LRRC8C: variants seen among roughly 807,000 people sequenced by gnomAD.
LRRC8C encodes the protein volume-regulated anion channel subunit LRRC8C.
A neutral mutation model predicts 55.3 loss-of-function variants in LRRC8C; 20 were observed. The ratio of observed to expected loss-of-function variants is 0.36; its 90% CI spans 0.25 to 0.53. LRRC8C has a LOEUF of 0.53. LRRC8C is among the 20% of genes least tolerant of loss of function. The pLI is 0.92. For synonymous variants in LRRC8C, 376 were observed against 360.7 expected, an observed-to-expected ratio of 1.04 and a Z score of -0.48; for missense variants, 659 against 951.4, an observed-to-expected ratio of 0.69 and a Z score of 4.04.
intron 1 of LRRC8C, among the ~76,000 whole-genome samples, chr1:89,659,064 TGTGTGTGTGTGTGTGTGTGTGTG>T (rs1657040962): frequency 7.7e-5 from 2 of 25,830 alleles, no homozygotes; most frequent in South Asian, 1.1e-3. Flanking sequence ...TTTTTTTTTG[TGTGTGTGTGTGTGTGTGTGTGTG>T]TGTGTGTGTG....
the LRRC8C span, chr1:89,624,888 G>A: frequency 1.3e-5 from 2 of 152,170 alleles, no homozygotes; most frequent in African/African-American, 4.8e-5. Context: ...ACTTATCAGA[G>A]CCCTAAGCAT....
chr1:89,657,591 A>G (rs2101206591), intron 1 of LRRC8C, among the ~76,000 whole-genome samples: 1 of 152,148 alleles, frequency 6.6e-6, no homozygotes, highest in Admixed American at 6.5e-5. Flanking sequence ...AAATACAAAA[A>G]TTATCTGGGC....
intron 2 of LRRC8C, among the ~76,000 whole-genome samples, chr1:89,711,082 C>T (rs1374368424): frequency 3.3e-5 from 5 of 152,214 alleles, no homozygotes; most frequent in Non-Finnish European, 7.3e-5. Context: ...CTGCTGTCAT[C>T]ACTATAATCA....
At chr1:89,617,335 CA>C in the LRRC8C span, among the ~76,000 whole-genome samples, 2 of 152,212 alleles carry the variant, frequency 1.3e-5, no homozygotes, top group African/African-American at 2.4e-5. Flanking sequence ...CCACGGTTCA[CA>C]ATTCAGTCCA....
intron 1 of LRRC8C, among the ~76,000 whole-genome samples, chr1:89,675,370 C>A (rs528281197): frequency 6.6e-6 from 1 of 152,134 alleles, no homozygotes; most frequent in Admixed American, 6.6e-5. Context: ...TCTTGCCTTC[C>A]GCACCCTCCT....
chr1:89,617,605 TTC>T, the LRRC8C span, among the ~76,000 whole-genome samples: 1 of 152,220 alleles, frequency 6.6e-6, no homozygotes, highest in Admixed American at 6.5e-5. Context: ...ACTGTCTGTG[TTC>T]TGTTTCCACC....
At chr1:89,674,196 A>C (rs1050619622) in intron 1 of LRRC8C, among the ~76,000 whole-genome samples, 1 of 152,174 alleles carries the variant, frequency 6.6e-6, no homozygotes, top group Non-Finnish European at 1.5e-5. Flanking sequence ...ATTTTAATTA[A>C]ATGATTCATA....
chr1:89,687,029 A>G (rs1028223062), intron 2 of LRRC8C, among the ~76,000 whole-genome samples: 1 of 152,224 alleles, frequency 6.6e-6, no homozygotes, highest in African/African-American at 2.4e-5. Context: ...TTGATGAGAT[A>G]TCATTATTTT....
intron 1 of LRRC8C, among the ~76,000 whole-genome samples, chr1:89,667,785 C>T (rs1657312931): frequency 6.6e-6 from 1 of 152,086 alleles, no homozygotes; most frequent in South Asian, 2.1e-4. Flanking sequence ...AAAACTCAAG[C>T]TGTCAACCCA....
At chr1:89,679,447 A>G (rs1382691114) in intron 1 of LRRC8C, among the ~76,000 whole-genome samples, 1 of 152,080 alleles carries the variant, frequency 6.6e-6, no homozygotes, top group African/African-American at 2.4e-5. Flanking sequence ...CCAGCTACCC[A>G]GGAGGCTGAG....
intron 2 of LRRC8C, among the ~76,000 whole-genome samples, 168 bp from the exon 3 acceptor site, chr1:89,712,541 T>G (rs947973885): frequency 2.6e-5 from 4 of 152,246 alleles, no homozygotes; most frequent in Non-Finnish European, 5.9e-5. Context: ...ATTTCATTTT[T>G]CCAATATATG....
intron 1 of LRRC8C, among the ~76,000 whole-genome samples, chr1:89,674,118 CT>C (rs1408661171): frequency 6.6e-6 from 1 of 152,104 alleles, no homozygotes; most frequent in East Asian, 1.9e-4. Context: ...TTCACTATTT[CT>C]TTTTGAGGGA....
intron 1 of LRRC8C, chr1:89,661,283 G>T: frequency 3.2e-6 from 1 of 309,636 alleles, no homozygotes; most frequent in South Asian, 3.5e-5. Flanking sequence ...ATTGATCATT[G>T]GGAGCCAGTT....
In LRRC8C at chr1:89,718,778, C is replaced by T. The variant is rs528328526; in HGVS notation, c.*3796C>T. On this transcript the variant is annotated 3_prime_UTR_variant, in exon 3 of 3. Coordinates refer to ENST00000370454, the MANE Select transcript of LRRC8C (RefSeq NM_032270.5). ...TCTGAATGTGATAATGTGATTCAAA[C>T]AGTCAAATTTTATTAAGCTCTTAGT... 2 of 152,264 alleles carry T rather than the reference C, an allele frequency of 1.3e-5. No homozygotes were observed. Among genetic ancestry groups the T allele is most frequent in the South Asian group, 4.1e-4 (2 of 4,830 alleles). The allele number at this position is 152,264 out of a possible 1,614,324, so 9.4% of individuals were successfully genotyped here. A position where few individuals can be genotyped will look rare whatever the true frequency, so the allele number is the denominator to read the frequency against.
At chr1:89,688,299 C>T (rs760948773) in intron 2 of LRRC8C, among the ~76,000 whole-genome samples, 1 of 152,152 alleles carries the variant, frequency 6.6e-6, no homozygotes, top group Non-Finnish European at 1.5e-5. Flanking sequence ...GCGTATCAGG[C>T]ACTGTTCTAC....
At chr1:89,625,691 CA>C in the LRRC8C span, among the ~76,000 whole-genome samples, 1 of 152,200 alleles carries the variant, frequency 6.6e-6, no homozygotes, top group Non-Finnish European at 1.5e-5. Context: ...ATGTGAGTAA[CA>C]AGAGCATCTT....
Position 89,714,445 on chromosome 1 carries a change from A to T in LRRC8C, c.1875A>T (p.Lys625Asn). ...QELDLKENNLKSIEEIVSFQH... is the reference protein window; with the variant it reads ...QELDLKENNLNSIEEIVSFQH... ...TGGACCTGAAGGAAAACAATCTGAA[A>T]TCTATAGAAGAAATCGTTAGCTTTC... The change falls in exon 3 of 3, where the codon AAA becomes AAT. Residue 625 changes from lysine (K) to asparagine (N), a missense_variant. By Grantham distance (94) the Lys-to-Asn change is moderately conservative (BLOSUM62 0). Transcript: ENST00000370454. This position sits in a 1 kb window ranked among gnomAD's most constrained non-coding sequence, Gnocchi z 4.6. 6.2e-7 allele frequency: 1 copy of T among 1,614,190 alleles called. No individual in the cohort carries two copies. The highest frequency in any genetic ancestry group is 8.5e-7 in the Non-Finnish European group (1 of 1,180,030).
chr1:89,714,365 T>C lies in LRRC8C; in HGVS notation c.1795T>C (p.Cys599Arg). 1.2e-6 allele frequency: 2 copies of C among 1,614,180 alleles called. No homozygotes were observed. The highest frequency in any genetic ancestry group is 1.1e-5 in the South Asian group (1 of 91,076). ...TCTGACAGAGCTGGAGCTGGTCCAC[T>C]GTGACCTGGAGCGTATTCCTCATGC... is the stretch of plus-strand genomic sequence containing the variant. Reference protein sequence around the residue: ...TNLTELELVHCDLERIPHAVF... With the variant: ...TNLTELELVHRDLERIPHAVF... Residue 599 changes from cysteine to arginine, a missense_variant, in exon 3 of 3, where the codon TGT becomes CGT. Around this residue, in one of 5 missense-constraint regions of LRRC8C, gnomAD observed 344 missense variants for 464.6 expected, o/e 0.74. Transcript: ENST00000370454. The surrounding 1 kb of genome is among the most constrained non-coding windows in gnomAD (Gnocchi z 4.6).
upstream of LRRC8C, among the ~76,000 whole-genome samples, chr1:89,629,461 T>C (rs1656051354): frequency 6.6e-6 from 1 of 152,210 alleles, no homozygotes; most frequent in Non-Finnish European, 1.5e-5. Flanking sequence ...AGCAGGTTGA[T>C]CTGAAAGAAC....
Sources: gnomAD v4.1 joint callset for allele counts (sites outside exome capture counted in the v4.1 genomes callset) on GRCh38, gnomAD v4.1.1 for gene constraint, gnomAD v4.1.1 regional missense constraint, Gnocchi (gnomAD v3.1) non-coding constraint, MANE v1.5 for transcripts, NCBI Gene and HGNC (gene_info 2026-07-23, HGNC 2026-07-21) for gene names.